Variants in PTPRD observed in about 807,000 individuals in gnomAD.
PTPRD encodes the protein protein tyrosine phosphatase receptor type D.
Under a neutral mutation model 214.5 loss-of-function variants are expected in PTPRD, and 34 were observed. The observed-to-expected ratio is 0.16, with a 90% CI of 0.12 to 0.21. The LOEUF is 0.21. PTPRD is among the 10% of genes least tolerant of loss of function. PTPRD has a pLI of 1.00. For missense variants in PTPRD, 2,545 were observed against 2,398.7 expected (o/e 1.06, Z -1.27); for synonymous variants, 1,128 against 845.7 (o/e 1.33, Z -5.79).
intron 3 of PTPRD, among the ~76,000 whole-genome samples, chr9:10,337,290 A>G (rs2096860342): frequency 6.6e-6 from 1 of 151,702 alleles, no homozygotes; most frequent in Non-Finnish European, 1.5e-5. Flanking sequence ...ATAAAATGTT[A>G]AAGGGTGAGT....
chr9:9,065,640 A>T (rs2099727793), intron 10 of PTPRD, among the ~76,000 whole-genome samples: 1 of 152,164 alleles, frequency 6.6e-6, no homozygotes, highest in South Asian at 2.1e-4. Context: ...ACATTATGGG[A>T]TTACAAGCTA....
intron 2 of PTPRD, among the ~76,000 whole-genome samples, chr9:10,478,143 A>C (rs2099075077): frequency 6.7e-6 from 1 of 148,484 alleles, no homozygotes. Flanking sequence ...CTTAAAGTAA[A>C]ATGGAAAAAA....
At chr9:8,935,685 C>A (rs2098992141) in intron 11 of PTPRD, among the ~76,000 whole-genome samples, 1 of 152,146 alleles carries the variant, frequency 6.6e-6, no homozygotes. Context: ...GAAGGCCCCC[C>A]ACAGTGGGAA....
At chr9:10,360,831 G>C (rs1043168639) in intron 2 of PTPRD, among the ~76,000 whole-genome samples, 5 of 152,124 alleles carry the variant, frequency 3.3e-5, no homozygotes, top group Non-Finnish European at 4.4e-5. Flanking sequence ...GGCCAGGCGC[G>C]GTGGCTCACG....
chr9:10,306,672 T>C (rs1281307456), intron 3 of PTPRD, among the ~76,000 whole-genome samples: 2 of 152,122 alleles, frequency 1.3e-5, no homozygotes, highest in African/African-American at 4.8e-5. Context: ...TAAGTATATG[T>C]GTTGCTCTTT....
chr9:9,648,050 C>T (rs1489539313), intron 7 of PTPRD, among the ~76,000 whole-genome samples: 2 of 152,034 alleles, frequency 1.3e-5, no homozygotes, highest in Non-Finnish European at 2.9e-5. Flanking sequence ...CTGCTAACTC[C>T]CCTGCACCTA....
At chr9:10,029,873 G>A (rs1046249143) in intron 4 of PTPRD, among the ~76,000 whole-genome samples, 1 of 152,128 alleles carries the variant, frequency 6.6e-6, no homozygotes, top group African/African-American at 2.4e-5. Flanking sequence ...ATGTGGTTTG[G>A]CTGTGTCCCC....
At chr9:10,449,374 G>T (rs908374426) in intron 2 of PTPRD, among the ~76,000 whole-genome samples, 6 of 151,886 alleles carry the variant, frequency 4.0e-5, no homozygotes, top group Non-Finnish European at 8.8e-5. Context: ...GCAGTGGCGT[G>T]ATCTCCGCTC....
intron 8 of PTPRD, among the ~76,000 whole-genome samples, chr9:9,500,465 G>C (rs2096372064): frequency 6.6e-6 from 1 of 152,082 alleles, no homozygotes; most frequent in Non-Finnish European, 1.5e-5. Context: ...GTGCCACTGA[G>C]TTGAGACTAT....
chr9:9,881,172 GT>G (rs1197648336), intron 5 of PTPRD, among the ~76,000 whole-genome samples: 1 of 151,888 alleles, frequency 6.6e-6, no homozygotes, highest in African/African-American at 2.4e-5. Context: ...AAAATTAGTA[GT>G]TTTTTTTAAT....
At chr9:10,360,151 G>A (rs560832056) in intron 2 of PTPRD, among the ~76,000 whole-genome samples, 22 of 152,310 alleles carry the variant, frequency 1.4e-4, no homozygotes, top group Admixed American at 5.2e-4. Flanking sequence ...GTGATACATA[G>A]TAATATAATA....
chr9:9,679,892 T>A (rs1015595660), intron 7 of PTPRD, among the ~76,000 whole-genome samples: 1 of 151,882 alleles, frequency 6.6e-6, no homozygotes, highest in Non-Finnish European at 1.5e-5. Flanking sequence ...TAACAGCACA[T>A]TGGAGTAAAA....
chr9:8,914,129 T>G (rs2098767940), intron 11 of PTPRD, among the ~76,000 whole-genome samples: 1 of 152,140 alleles, frequency 6.6e-6, no homozygotes, highest in East Asian at 1.9e-4. Flanking sequence ...TGTCTAGGGA[T>G]TTGACCTCTA....
intron 11 of PTPRD, among the ~76,000 whole-genome samples, chr9:8,900,435 A>G (rs1412082328): frequency 6.6e-6 from 1 of 152,238 alleles, no homozygotes; most frequent in Non-Finnish European, 1.5e-5. Context: ...CATAAACAAT[A>G]AAGAACAAAC....
At chr9:9,606,872 T>A (rs2094189401) in intron 7 of PTPRD, among the ~76,000 whole-genome samples, 1 of 143,900 alleles carries the variant, frequency 6.9e-6, no homozygotes, top group South Asian at 2.1e-4. Flanking sequence ...GCCTGCAAGC[T>A]ATACTTTCGA....
intron 7 of PTPRD, among the ~76,000 whole-genome samples, chr9:9,690,882 GAAGTT>G (rs57144895): frequency 0.6 from 91,122 of 150,958 alleles, 27,720 homozygotes; most frequent in East Asian, 0.65. Flanking sequence ...AGTATATTTT[GAAGTT>G]AAGTCATGTG....
chr9:8,366,060 A>C (rs2079793976), intron 39 of PTPRD, among the ~76,000 whole-genome samples: 1 of 152,240 alleles, frequency 6.6e-6, no homozygotes, highest in South Asian at 2.1e-4. Flanking sequence ...GGTGTACCAG[A>C]AACAGAAATA....
chr9:10,558,716 G>A (rs1356929983), intron 2 of PTPRD, among the ~76,000 whole-genome samples: 2 of 152,124 alleles, frequency 1.3e-5, no homozygotes, highest in African/African-American at 2.4e-5. Flanking sequence ...TAAATACAGT[G>A]ACCAGCACAT....
chr9:10,453,168 T>C (rs2130913516), intron 2 of PTPRD, among the ~76,000 whole-genome samples: 1 of 151,854 alleles, frequency 6.6e-6, no homozygotes, highest in South Asian at 2.1e-4. Context: ...TTCTGTTCTT[T>C]TGGTTTATGT....
Sources: gnomAD v4.1 joint callset for allele counts (sites outside exome capture counted in the v4.1 genomes callset) on GRCh38, gnomAD v4.1.1 for gene constraint, MANE v1.5 for transcripts, NCBI Gene and HGNC (gene_info 2026-07-23, HGNC 2026-07-21) for gene names.